GATB: variants seen among roughly 807,000 people sequenced by gnomAD.
GATB encodes the protein glutamyl-tRNA amidotransferase subunit B, also known as glutamyl-tRNA(Gln) amidotransferase subunit B, mitochondrial.
A neutral mutation model predicts 62.3 loss-of-function variants in GATB; 39 were observed. The ratio of observed to expected loss-of-function variants is 0.63; its 90% confidence interval spans 0.48 to 0.82. The LOEUF (loss-of-function observed/expected upper bound fraction) is 0.82, where lower values mean the gene tolerates loss of function less well. Among genes scored for constraint, GATB ranks in the 40% least tolerant of loss-of-function variants. GATB has a pLI of 0.00. For missense variants in GATB, 670 were observed against 684.0 expected, an observed-to-expected ratio of 0.98 and a Z score of 0.23; for synonymous variants, 276 against 258.9, an observed-to-expected ratio of 1.07 and a Z score of -0.63.
intron 11 of GATB, among the ~76,000 whole-genome samples, chr4:151,678,869 C>G (rs1738072351): frequency 6.8e-6 from 1 of 146,058 alleles, no homozygotes; most frequent in Non-Finnish European, 1.5e-5. Context: ...TGTTCTTGAT[C>G]TTTCTGGTTA....
chr4:151,679,920 T>C (rs1414949414), intron 10 of GATB, 29 bp from the exon 11 acceptor site: 7 of 1,595,692 alleles, frequency 4.4e-6, no homozygotes, highest in Non-Finnish European at 6.0e-6. Flanking sequence ...GAAAACACAT[T>C]TACATTGCAC....
intron 8 of GATB, among the ~76,000 whole-genome samples, chr4:151,701,839 T>C (rs1260034400): frequency 6.6e-6 from 1 of 152,240 alleles, no homozygotes; most frequent in Non-Finnish European, 1.5e-5. Flanking sequence ...TGTGTGTTGC[T>C]TCACAACGGC....
chr4:151,747,635 G>C (rs1739629243), intron 2 of GATB, among the ~76,000 whole-genome samples: 1 of 152,180 alleles, frequency 6.6e-6, no homozygotes, highest in Non-Finnish European at 1.5e-5. Flanking sequence ...ATTCACATAT[G>C]GACACATCCT....
intron 11 of GATB, among the ~76,000 whole-genome samples, chr4:151,678,148 A>ACC (rs941634649): frequency 6.6e-6 from 1 of 152,078 alleles, no homozygotes; most frequent in African/African-American, 2.4e-5. Context: ...CATCACGGGG[A>ACC]CCCCCTTAAG....
intron 10 of GATB, among the ~76,000 whole-genome samples, chr4:151,687,517 T>A (rs1305498335): frequency 6.6e-6 from 1 of 152,246 alleles, no homozygotes; most frequent in African/African-American, 2.4e-5. Flanking sequence ...GGGGCATTTC[T>A]CATCCGCATT....
At chr4:151,684,218 G>A (rs185181880) in intron 10 of GATB, among the ~76,000 whole-genome samples, 2 of 152,312 alleles carry the variant, frequency 1.3e-5, no homozygotes, top group Non-Finnish European at 2.9e-5. Flanking sequence ...CTGAAACACT[G>A]GGGCACTCAA....
At chr4:151,736,744 C>T (rs182893995) in intron 2 of GATB, among the ~76,000 whole-genome samples, 171 of 152,244 alleles carry the variant, frequency 1.1e-3, no homozygotes, top group Non-Finnish European at 2.0e-3. Flanking sequence ...GGGAGGGACC[C>T]GGTGGGAGGT....
chr4:151,711,074 T>C (rs1345701804), intron 5 of GATB, among the ~76,000 whole-genome samples: 1 of 152,176 alleles, frequency 6.6e-6, no homozygotes, highest in African/African-American at 2.4e-5. Flanking sequence ...TTCCTCCCTG[T>C]CTCTTACCTT....
chr4:151,717,149 A>T (rs1738930533), intron 3 of GATB, 75 bp from the exon 4 acceptor site: 2 of 1,358,986 alleles, frequency 1.5e-6, no homozygotes, highest in Non-Finnish European at 2.1e-6. Flanking sequence ...TATCCCTTTT[A>T]CAATGTCACA....
intron 12 of GATB, 160 bp downstream of exon 12, chr4:151,672,602 T>G: frequency 2.8e-6 from 2 of 716,538 alleles, no homozygotes. Context: ...ATTTCATCTC[T>G]TCTGACCTTA....
Position 151,760,825 on chromosome 4 carries a change from G to T in GATB, c.158C>A (p.Ala53Asp). 6 of 1,609,988 alleles carry T rather than the reference G, an allele frequency of 3.7e-6. No homozygotes were observed. The highest frequency in any genetic ancestry group is 5.1e-6 in the Non-Finnish European group (6 of 1,177,964). The change falls in exon 1 of 13, where the codon GCC becomes GAC. Residue 53 changes from alanine to aspartate, a missense_variant. Coordinates refer to ENST00000263985, the MANE Select transcript of GATB (RefSeq NM_004564.3). The part of the protein sequence containing the change: ...SSVAQQPLHT[A>D]QKTRKGEHKW... ...AGAATACCCTTTCCTCGTCTTCTGGGCCGTGTGGAGGGGCTGCTGAGCCAC... is the reference window on the plus strand; with the variant it reads ...AGAATACCCTTTCCTCGTCTTCTGGTCCGTGTGGAGGGGCTGCTGAGCCAC...
At chr4:151,758,232 C>T (rs1221071560) in intron 2 of GATB, among the ~76,000 whole-genome samples, 1 of 152,144 alleles carries the variant, frequency 6.6e-6, no homozygotes, top group African/African-American at 2.4e-5. Context: ...GACTCCTCCT[C>T]CTCCTTCATT....
At position 151,671,215 on chromosome 4, in the gene GATB, C is replaced by A; in HGVS notation, c.1633G>T (p.Val545Phe). The A allele has an allele frequency of 1.2e-6, 2 of 1,614,180 alleles. No individual in the cohort carries two copies. The highest frequency in any genetic ancestry group is 1.7e-6 in the Non-Finnish European group (2 of 1,180,030). ...RKATQSRADP[V>F]MIKEILEKKL... The stretch of plus-strand genomic sequence containing the variant: ...TTCTCCAGGATCTCCTTTATCATGA[C>A]TGGATCTGCTCGGCTTTGAGTCGCT... The change falls in exon 13 of 13, where the codon GTC (valine) becomes TTC (phenylalanine). Residue 545 changes from valine to phenylalanine, a missense_variant. Coordinates refer to ENST00000263985, the MANE Select transcript of GATB (RefSeq NM_004564.3).
intron 2 of GATB, 194 bp from the exon 3 acceptor site, chr4:151,719,732 T>C (rs965698630): frequency 2.0e-5 from 9 of 451,362 alleles, no homozygotes; most frequent in East Asian, 1.3e-4. Flanking sequence ...AAGAAGAAAA[T>C]GTATGCAGCA....
chr4:151,675,096 A>C (rs571096708), intron 11 of GATB: 1 of 152,382 alleles, frequency 6.6e-6, no homozygotes, highest in Admixed American at 6.5e-5. Flanking sequence ...AAATAAGCGG[A>C]AGAGTGGCAG....
chr4:151,696,960 C>T (rs146445095), intron 9 of GATB, among the ~76,000 whole-genome samples: 47 of 152,314 alleles, frequency 3.1e-4, no homozygotes, highest in Middle Eastern at 6.8e-3. Flanking sequence ...ATTTCAGCTT[C>T]AACATTTCTA....
At chr4:151,672,682 C>T (rs1737899069) in intron 12 of GATB, 80 bp downstream of exon 12, 3 of 1,463,732 alleles carry the variant, frequency 2.0e-6, no homozygotes, top group South Asian at 2.6e-5. Flanking sequence ...AGCCTCTGGG[C>T]TGCCACAGGG....
intron 10 of GATB, among the ~76,000 whole-genome samples, chr4:151,685,228 A>G (rs1738220086): frequency 6.6e-6 from 1 of 152,176 alleles, no homozygotes; most frequent in Admixed American, 6.5e-5. Context: ...GGCTGGTGTG[A>G]ATCTCCCTCC....
At chr4:151,714,238 G>A (rs1578917822) in intron 5 of GATB, among the ~76,000 whole-genome samples, 1 of 152,180 alleles carries the variant, frequency 6.6e-6, no homozygotes, top group African/African-American at 2.4e-5. Context: ...GAAGCAATTA[G>A]GCTTCATTCC....
Sources: allele counts gnomAD v4.1 joint callset (sites outside exome capture counted in the v4.1 genomes callset), GRCh38; gene constraint gnomAD v4.1.1; transcripts MANE v1.5; gene names NCBI Gene and HGNC (gene_info 2026-07-23, HGNC 2026-07-21).